The following ATXN7L3 variants were observed in gnomAD, a reference collection of about 807,000 sequenced individuals.
ATXN7L3 encodes the protein ataxin-7-like protein 3.
In ATXN7L3, 6 loss-of-function variants were observed where a neutral mutation model predicts 50.0. The ratio of observed to expected loss-of-function variants is 0.12; its 90% confidence interval spans 0.07 to 0.24. The LOEUF (loss-of-function observed/expected upper bound fraction) is 0.24. Ranked by LOEUF, ATXN7L3 falls within the 10% of genes least tolerant of loss-of-function variation. ATXN7L3 has a pLI of 1.00. For synonymous variants in ATXN7L3, 198 were observed against 165.8 expected, an observed-to-expected ratio of 1.19 and a Z score of -1.49; for missense variants, 322 against 451.3, an observed-to-expected ratio of 0.71 and a Z score of 2.60.
chr17:44,196,512 G>A (rs569140158), intron 5 of ATXN7L3, 94 bp from the exon 6 acceptor site: 54 of 1,517,520 alleles, frequency 3.6e-5, no homozygotes, highest in Admixed American at 2.2e-4. Context: ...GGGCACGGTG[G>A]CTCATGCCTG....
Position 44,198,144 on chromosome 17 carries a change from G to C in ATXN7L3, c.-60-14C>G, listed in dbSNP as rs947247897. The C allele has an allele frequency of 1.4e-6, 2 of 1,476,548 alleles. No homozygotes were observed. Among genetic ancestry groups the C allele is most frequent in the African/African-American group, 2.8e-5 (2 of 71,432 alleles). The allele number at this position is 1,476,548 out of a possible 1,614,324, so 91.5% of individuals were successfully genotyped here. ...GCGGCAACACGGCTGCACACACGGG[G>C]GTGGGGGTGTTGTTGTGAGTCCAAG... On this transcript the variant is annotated splice_polypyrimidine_tract_variant and intron_variant, in intron 1 of 12. Transcript: ENST00000587097.
At chr17:44,195,229 C>T (rs1230781166) in intron 9 of ATXN7L3, 89 bp from the exon 10 acceptor site, 4 of 1,483,418 alleles carry the variant, frequency 2.7e-6, no homozygotes, top group African/African-American at 2.8e-5. Context: ...CTAGATAGCA[C>T]AAGCAGAGAT....
chr17:44,195,589 C>CTT, intron 8 of ATXN7L3, 102 bp from the exon 9 acceptor site: 1 of 1,333,756 alleles, frequency 7.5e-7, no homozygotes, highest in Non-Finnish European at 1.1e-6. Context: ...CTAAGTGAGG[C>CTT]TTTAGAACGA....
chr17:44,197,852 C>T (rs1233815968), intron 2 of ATXN7L3, 122 bp from the exon 3 acceptor site: 78 of 1,540,108 alleles, frequency 5.1e-5, no homozygotes, highest in Non-Finnish European at 6.9e-5. Context: ...TTTTCCCCAT[C>T]TTGACTTCGT....
At chr17:44,197,539 G>T (rs2055955789) in intron 3 of ATXN7L3, 59 bp downstream of exon 3, 3 of 1,611,090 alleles carry the variant, frequency 1.9e-6, no homozygotes, top group African/African-American at 2.7e-5. Context: ...TCCAGAGAAG[G>T]AAACTCCAGG....
Position 44,195,432 on chromosome 17 carries a change from C to T in ATXN7L3, c.608G>A (p.Ser203Asn). Residue 203 changes from serine (S) to asparagine (N), a missense_variant, in exon 9 of 13, where the codon AGC becomes AAC. This residue lies in a region of ATXN7L3 where 95 missense variants were observed against 98.1 expected (regional missense o/e 0.97). Coordinates refer to ENST00000587097, the MANE Select transcript of ATXN7L3 (RefSeq NM_001382309.1). The part of the protein sequence containing the change: ...YETLGPEELR[S>N]LLTTQCGVIS... ...GTCCTCCCTCACCGTGGTTAGCAGG[C>T]TGCGAAGCTCCTCCGGCCCCAGGGT... is the stretch of plus-strand genomic sequence containing the variant. 2 of 1,614,094 alleles carry T rather than the reference C, an allele frequency of 1.2e-6. No homozygotes were observed. The highest frequency in any genetic ancestry group is 1.7e-6 in the Non-Finnish European group (2 of 1,179,966).
In ATXN7L3 at chr17:44,197,108, T is replaced by C. The variant is rs1204002075; in HGVS notation, c.357-82A>G. On this transcript the variant is annotated intron_variant, in intron 4 of 12. Transcript: ENST00000587097. ...GTGGTCACCCCGCTCTGCCCCCAAC[T>C]TCAGAAGCAGGTGGAGCATCTGGGG... 3.2e-6 allele frequency: 5 copies of C among 1,555,034 alleles called. No individual in the cohort carries two copies. In the East Asian group the frequency reaches 9.0e-5, roughly 28 times the overall value.
intron 2 of ATXN7L3, 89 bp from the exon 3 acceptor site, chr17:44,197,819 CA>C: frequency 6.3e-7 from 1 of 1,579,730 alleles, no homozygotes; most frequent in African/African-American, 1.4e-5. Context: ...TGGCCCCAGC[CA>C]AAAATCATGC....
rs1253980953 is a variant in ATXN7L3, at chr17:44,198,136, C to T, written c.-60-6G>A. ...CACAGCGGGCGGCAACACGGCTGCA[C>T]ACACGGGGGTGGGGGTGTTGTTGTG... On this transcript the variant is annotated splice_polypyrimidine_tract_variant and splice_region_variant and intron_variant, in intron 1 of 12. Coordinates refer to ENST00000587097, the MANE Select transcript of ATXN7L3 (RefSeq NM_001382309.1). The T allele has an allele frequency of 1.3e-6, 2 of 1,520,070 alleles. No individual in the cohort carries two copies. The highest frequency in any genetic ancestry group is 1.7e-5 in the Admixed American group (1 of 57,714). The allele number at this position is 1,520,070 out of a possible 1,614,324, so 94.2% of individuals were successfully genotyped here.
At position 44,192,504 on chromosome 17, in the gene ATXN7L3, C is replaced by T. The variant is rs2055729437; in HGVS notation, c.*1759G>A. On this transcript the variant is annotated 3_prime_UTR_variant, in exon 13 of 13. Transcript: ENST00000587097. The stretch of plus-strand genomic sequence containing the variant: ...TTCCTCCCTTCACCTTCAGCCCACT[C>T]CCCAGACTGCATCTGGAAGCGGCTA... 6.6e-6 allele frequency: 1 copy of T among 152,190 alleles called. No individual in the cohort carries two copies. The allele number at this position is 152,190 out of a possible 1,614,324, so 9.4% of individuals were successfully genotyped here. A position where few individuals can be genotyped will look rare whatever the true frequency, so the allele number is the denominator to read the frequency against.
rs947374880 is a variant in ATXN7L3, at chr17:44,193,229, G to A, written c.*1034C>T. 6 of 152,164 alleles carry A rather than the reference G, an allele frequency of 3.9e-5. No homozygotes were observed. The highest frequency in any genetic ancestry group is 7.3e-5 in the Non-Finnish European group (5 of 68,056). 9.4% of individuals were successfully genotyped at this position (152,164 alleles called of 1,614,324 possible). On this transcript the variant is annotated 3_prime_UTR_variant, in exon 13 of 13. Coordinates refer to ENST00000587097, the MANE Select transcript of ATXN7L3 (RefSeq NM_001382309.1). ...TAAATAACTTAAAAGCGCTAAGGAA[G>A]GGAAACAGGGCACGCTTTGGAGGCA...
Position 44,192,915 on chromosome 17 carries a change from C to G in ATXN7L3, c.*1348G>C. On this transcript the variant is annotated 3_prime_UTR_variant, in exon 13 of 13. Coordinates refer to ENST00000587097, the MANE Select transcript of ATXN7L3 (RefSeq NM_001382309.1). ...GCCAGAGAACTTGGCTCAGGGTCACCTCCACCCATGTCAGTCAGCTCTGCT... is the reference window on the plus strand; with the variant it reads ...GCCAGAGAACTTGGCTCAGGGTCACGTCCACCCATGTCAGTCAGCTCTGCT... 1 of 152,336 alleles carries G rather than the reference C, an allele frequency of 6.6e-6. No individual in the cohort carries two copies. Among genetic ancestry groups the G allele is most frequent in the African/African-American group, 2.4e-5 (1 of 41,440 alleles). The allele number at this position is 152,336 out of a possible 1,614,324, so 9.4% of individuals were successfully genotyped here.
intron 9 of ATXN7L3, 129 bp from the exon 10 acceptor site, chr17:44,195,269 C>T (rs1183910158): frequency 7.4e-7 from 1 of 1,347,118 alleles, no homozygotes; most frequent in African/African-American, 1.4e-5. Context: ...CAGATGGTCC[C>T]AGGACACTAT....
chr17:44,194,892 C>T (rs901443247), intron 10 of ATXN7L3, 53 bp from the exon 11 acceptor site: 2 of 1,595,094 alleles, frequency 1.3e-6, no homozygotes, highest in Non-Finnish European at 1.7e-6. Context: ...TAAAGCCCCT[C>T]CCCTCGGCAA....
In ATXN7L3 at chr17:44,194,312, G is replaced by C. The variant is rs2055800555; in HGVS notation, c.995C>G (p.Pro332Arg). 6.2e-7 allele frequency: 1 copy of C among 1,614,052 alleles called. No individual in the cohort carries two copies. Among genetic ancestry groups the C allele is most frequent in the Non-Finnish European group, 8.5e-7 (1 of 1,180,024 alleles). The change falls in exon 13 of 13, where the codon CCA (proline) becomes CGA (arginine). Residue 332 changes from proline (P) to arginine (R), a missense_variant. Pro to Arg is a moderately radical substitution (Grantham distance 103). This residue lies in a region of ATXN7L3 where 122 missense variants were observed against 130.8 expected (regional missense o/e 0.93). Transcript: ENST00000587097. ...SGLGSNKKKK[P>R]KPPAPPTPSI... ...GGGCGTCGGGGGTGCCGGTGGCTTT[G>C]GCTTCTTCTTCTTGTTGGAACCTAG... is the stretch of plus-strand genomic sequence containing the variant.
chr17:44,195,174 G>A (rs752879120), intron 9 of ATXN7L3, 34 bp from the exon 10 acceptor site: 2 of 1,599,796 alleles, frequency 1.3e-6, no homozygotes, highest in South Asian at 1.1e-5. Context: ...AGGAGGGATG[G>A]AAGGAACCTA....
chr17:44,196,376 A>G lies in ATXN7L3; in HGVS notation c.477+20T>C, dbSNP rs199957898. On this transcript the variant is annotated intron_variant, in intron 6 of 12. Transcript: ENST00000587097. ...CTGTCCTTTACCCATTATTTCCCCA[A>G]TGCCTGGCCCGGCTCTCACCTTGTC... is the stretch of plus-strand genomic sequence containing the variant. 5.9e-4 allele frequency: 958 copies of G among 1,613,558 alleles called. 2 individuals are homozygous for G. The highest frequency in any genetic ancestry group is 6.9e-4 in the Non-Finnish European group (813 of 1,179,772).
intron 8 of ATXN7L3, 115 bp from the exon 9 acceptor site, chr17:44,195,602 C>T: frequency 4.7e-6 from 6 of 1,272,756 alleles, no homozygotes; most frequent in Non-Finnish European, 2.3e-6. Context: ...TAGAACGACC[C>T]TGCCGTTTTC....
rs748546619 is a variant in ATXN7L3, at chr17:44,194,122, A to G, written c.*141T>C. 147 of 1,152,542 alleles carry G rather than the reference A, an allele frequency of 1.3e-4. No individual in the cohort carries two copies. The highest frequency in any genetic ancestry group is 1.7e-4 in the Non-Finnish European group (138 of 814,072). 71.4% of individuals were successfully genotyped at this position (1,152,542 alleles called of 1,614,324 possible). A position where few individuals can be genotyped will look rare whatever the true frequency, so the allele number is the denominator to read the frequency against. ...ACTTTGACACCCCCCAGGGGCGCATAATCGGATCCTCTGCCTGCCTGGCCC... is the reference window on the plus strand; with the variant it reads ...ACTTTGACACCCCCCAGGGGCGCATGATCGGATCCTCTGCCTGCCTGGCCC... On this transcript the variant is annotated 3_prime_UTR_variant, in exon 13 of 13. Transcript: ENST00000587097.
Sources: allele counts gnomAD v4.1 joint callset, GRCh38; gene constraint gnomAD v4.1.1; regional missense constraint gnomAD v4.1.1; transcripts MANE v1.5; gene names NCBI Gene and HGNC (gene_info 2026-07-23, HGNC 2026-07-21).